The following DGCR8 variants were observed in gnomAD, a reference collection of about 807,000 sequenced individuals.
DGCR8 encodes DGCR8 microprocessor complex subunit.
Under a neutral mutation model 78.5 loss-of-function variants are expected in DGCR8, and 14 were observed. That is an observed-to-expected ratio of 0.18 (90% CI 0.12 to 0.28). DGCR8 has a LOEUF of 0.28. DGCR8 is among the 10% of genes least tolerant of loss of function. The pLI is 1.00. For missense variants in DGCR8, 702 were observed against 1,022.5 expected (o/e 0.69, Z 4.28); for synonymous variants, 399 against 402.4 (o/e 0.99, Z 0.10).
intron 10 of DGCR8, 23 bp from the exon 11 acceptor site, chr22:20,106,569 C>T: frequency 6.4e-7 from 1 of 1,565,616 alleles, no homozygotes; most frequent in Non-Finnish European, 8.8e-7. Context: ...GGGACGCCAT[C>T]TGTTGTCTGT....
chr22:20,101,491 T>C (rs2049700926), intron 9 of DGCR8: 13 of 816,964 alleles, frequency 1.6e-5, no homozygotes, highest in Non-Finnish European at 1.9e-5. Flanking sequence ...GGCAGGAGAA[T>C]GGCGTGAACC....
chr22:20,086,365 G>GCTGTGTACAGCTCCT lies in DGCR8; in HGVS notation c.402_403insCTGTGTACAGCTCCT (p.Lys134_Val135insLeuCysThrAlaPro), dbSNP rs1229672698. On this transcript the variant is annotated inframe_insertion, in exon 2 of 14. Transcript: ENST00000351989. This position sits in a 1 kb window ranked among gnomAD's most constrained non-coding sequence, Gnocchi z 6.4. ...AGAGCTGCAGGAGTAAGGACAGGAA[G>GCTGTGTACAGCTCCT]GTGCTGTACACAGGAGCAGAGCGCG... The GCTGTGTACAGCTCCT allele has an allele frequency of 6.2e-7, 1 of 1,614,000 alleles. No individual in the cohort carries two copies. The highest frequency in any genetic ancestry group is 8.5e-7 in the Non-Finnish European group (1 of 1,180,048).
chr22:20,104,509 CTGTG>C (rs150455687), intron 9 of DGCR8, among the ~76,000 whole-genome samples: 1 of 152,154 alleles, frequency 6.6e-6, no homozygotes, highest in Non-Finnish European at 1.5e-5. Flanking sequence ...TGCTCTCTAG[CTGTG>C]TGTGTGTCAG....
intron 1 of DGCR8, among the ~76,000 whole-genome samples, chr22:20,081,761 C>T (rs1023532573): frequency 2.6e-5 from 4 of 152,310 alleles, no homozygotes; most frequent in African/African-American, 9.6e-5. Context: ...GTTACTTTGG[C>T]GCCAAGTAGC....
At position 20,085,394 on chromosome 22, in the gene DGCR8, T is replaced by C. The variant is rs900365257; in HGVS notation, c.-277-293T>C. The stretch of plus-strand genomic sequence containing the variant: ...GTTAGAAGAATGCTGTGGTGGAGTT[T>C]AGTGTAAATTTTTAAAATATTTTTT... On this transcript the variant is annotated intron_variant, in intron 1 of 13. Transcript: ENST00000351989. This position sits in a 1 kb window ranked among gnomAD's most constrained non-coding sequence, Gnocchi z 6.2. 5.9e-5 allele frequency among the ~76,000 whole-genome samples: 9 copies of C among 152,216 alleles called. No individual in the cohort carries two copies. The highest frequency in any genetic ancestry group is 2.2e-4 in the African/African-American group (9 of 41,450).
chr22:20,095,640 T>A (rs2049619977), intron 9 of DGCR8, among the ~76,000 whole-genome samples: 1 of 152,174 alleles, frequency 6.6e-6, no homozygotes, highest in African/African-American at 2.4e-5. Flanking sequence ...AGAGATCAGT[T>A]TCAGGGAAGA....
At chr22:20,097,150 G>C (rs1427253638) in intron 9 of DGCR8, among the ~76,000 whole-genome samples, 1 of 152,146 alleles carries the variant, frequency 6.6e-6, no homozygotes, top group Non-Finnish European at 1.5e-5. Context: ...TCTTTGTCCA[G>C]TGTAACAGCA....
Position 20,107,086 on chromosome 22 carries a change from C to A in DGCR8, c.1997-185C>A. 7.7e-6 allele frequency: 5 copies of A among 646,764 alleles called. No individual in the cohort carries two copies. In the South Asian group the frequency reaches 9.2e-5, roughly 12 times the overall value. 40.1% of individuals were successfully genotyped at this position (646,764 alleles called of 1,614,324 possible). On this transcript the variant is annotated intron_variant, in intron 11 of 13. Transcript: ENST00000351989. The stretch of plus-strand genomic sequence containing the variant: ...TCCTAGACTCTGAGGGCCACTCTCT[C>A]AAGGTGGCAGCTGGGTACTGTGAGA...
chr22:20,102,314 G>C (rs551542489), intron 9 of DGCR8, among the ~76,000 whole-genome samples: 1 of 152,270 alleles, frequency 6.6e-6, no homozygotes, highest in East Asian at 1.9e-4. Context: ...CCTCTTAGTG[G>C]AGTCACCTGG....
rs139011528 is a variant in DGCR8 at position 20,110,081 on chromosome 22, T to G, written c.2295T>G (p.Gly765=). ...TTGTGGCGTCCGCCCAGCCTGGCGG[T>G]GAGCCCCTGTGCACCGTGGACGTGT... ...MSIVASAQPG[G]EPLCTVDV is the part of the protein sequence containing the mutation. Residue 765 remains glycine, a synonymous_variant, in exon 14 of 14, where the codon GGT becomes GGG. Coordinates refer to ENST00000351989, the MANE Select transcript of DGCR8 (RefSeq NM_022720.7). 6.2e-7 allele frequency: 1 copy of G among 1,612,030 alleles called. No homozygotes were observed. The highest frequency in any genetic ancestry group is 8.5e-7 in the Non-Finnish European group (1 of 1,179,968).
chr22:20,080,435 C>T (rs1208920711), intron 1 of DGCR8, 52 bp downstream of exon 1: 9 of 979,010 alleles, frequency 9.2e-6, no homozygotes, highest in East Asian at 1.1e-4. Flanking sequence ...GGCGCCGCGG[C>T]CTGCGCGAGG....
Position 20,096,441 on chromosome 22 carries a change from T to C in DGCR8, c.1788+1646T>C. 5.1e-6 allele frequency: 5 copies of C among 985,422 alleles called. No individual in the cohort carries two copies. In the South Asian group the frequency reaches 1.4e-4, roughly 28 times the overall value. The allele number at this position is 985,422 out of a possible 1,614,324, so 61.0% of individuals were successfully genotyped here. On this transcript the variant is annotated intron_variant, in intron 9 of 13. Transcript: ENST00000351989. ...ATGTGAAGAACCATTTAAAACTAGC[T>C]GTAAACCTTTTTGGGTAAATGGTTA...
chr22:20,088,404 G>C (rs900958317), intron 3 of DGCR8, among the ~76,000 whole-genome samples: 7 of 152,176 alleles, frequency 4.6e-5, no homozygotes, highest in African/African-American at 1.7e-4. Context: ...ATTCTGGCCT[G>C]GATGCCTGGA....
chr22:20,101,194 C>T (rs1040524725), intron 9 of DGCR8: 10 of 984,846 alleles, frequency 1.0e-5, no homozygotes, highest in Non-Finnish European at 1.2e-5. Context: ...GAGAGAAGAC[C>T]GTGTGTTTTT....
rs567880461 is a variant in DGCR8 at position 20,106,904 on chromosome 22, A to G, written c.1996+206A>G. 3.8e-4 allele frequency: 223 copies of G among 589,556 alleles called. 2 individuals carry two copies. The highest frequency in any genetic ancestry group is 2.0e-3 in the South Asian group (99 of 50,018). The allele number at this position is 589,556 out of a possible 1,614,324, so 36.5% of individuals were successfully genotyped here. A position where few individuals can be genotyped will look rare whatever the true frequency, so the allele number is the denominator to read the frequency against. ...TGTCTTTTCCCTTTCCCCCGCTGTC[A>G]CCCCTGTCTCCGTCCAGCCCTTGTC... On this transcript the variant is annotated intron_variant, in intron 11 of 13. Transcript: ENST00000351989.
intron 9 of DGCR8, among the ~76,000 whole-genome samples, chr22:20,099,562 T>C (rs2049670448): frequency 6.6e-6 from 1 of 152,228 alleles, no homozygotes; most frequent in Non-Finnish European, 1.5e-5. Flanking sequence ...CGAGTTAAGA[T>C]GCCAGCAACT....
At position 20,087,245 on chromosome 22, in the gene DGCR8, C is replaced by T. The variant is rs774191856; in HGVS notation, c.804C>T (p.Gly268=). ...PKKRRTEEKY[G]GDSDHPSDGE... ...AGAGGCGAACAGAGGAAAAATATGG[C>T]GGAGACAGCGACCATCCGTCCGATG... The change falls in exon 3 of 14, where the codon GGC becomes GGT. Residue 268 remains glycine (G), a synonymous_variant. Transcript: ENST00000351989. This position sits in a 1 kb window ranked among gnomAD's most constrained non-coding sequence, Gnocchi z 4.1. 6 of 1,613,868 alleles carry T rather than the reference C, an allele frequency of 3.7e-6. No individual in the cohort carries two copies. The highest frequency in any genetic ancestry group is 1.7e-5 in the Admixed American group (1 of 59,994).
At chr22:20,080,510 C>T in intron 1 of DGCR8, 127 bp downstream of exon 1, 4 of 983,368 alleles carry the variant, frequency 4.1e-6, no homozygotes, top group Non-Finnish European at 4.8e-6. Context: ...GCGCGGAGCC[C>T]GGCCTTTGTG....
chr22:20,107,070 CTG>C, intron 11 of DGCR8, 199 bp from the exon 12 acceptor site: 1 of 619,014 alleles, frequency 1.6e-6, no homozygotes, highest in Non-Finnish European at 2.9e-6. Context: ...CTCCTAGACT[CTG>C]AGGGCCACTC....
Sources: gnomAD v4.1 joint callset for allele counts (sites outside exome capture counted in the v4.1 genomes callset) on GRCh38, gnomAD v4.1.1 for gene constraint, Gnocchi (gnomAD v3.1) non-coding constraint, MANE v1.5 for transcripts, NCBI Gene and HGNC (gene_info 2026-07-23, HGNC 2026-07-21) for gene names.